The following PCCB variants were observed in gnomAD, a reference collection of about 807,000 sequenced individuals.
The protein encoded by PCCB is propionyl-CoA carboxylase beta chain, mitochondrial.
A neutral mutation model predicts 60.7 loss-of-function variants in PCCB; 43 were observed. The observed-to-expected ratio is 0.71, with a 90% CI of 0.55 to 0.91. PCCB has a LOEUF of 0.91. Ranked by LOEUF, PCCB falls within the 40% of genes least tolerant of loss-of-function variation. The pLI is 0.00. For synonymous variants in PCCB, 276 were observed against 255.9 expected, an observed-to-expected ratio of 1.08 and a Z score of -0.75; for missense variants, 766 against 702.8, an observed-to-expected ratio of 1.09 and a Z score of -1.02.
chr3:136,258,246 G>A (rs1941728713), intron 3 of PCCB, among the ~76,000 whole-genome samples: 1 of 152,208 alleles, frequency 6.6e-6, no homozygotes, highest in Non-Finnish European at 1.5e-5. Flanking sequence ...TCATGTGGTA[G>A]GGTGGGAGTG....
At chr3:136,262,848 C>T (rs1559999163) in intron 5 of PCCB, among the ~76,000 whole-genome samples, 1 of 151,740 alleles carries the variant, frequency 6.6e-6, no homozygotes, top group Non-Finnish European at 1.5e-5. Flanking sequence ...TGTTTAGAAA[C>T]AAAAGAGCGG....
intron 5 of PCCB, among the ~76,000 whole-genome samples, chr3:136,280,707 A>G (rs1942452912): frequency 6.6e-6 from 1 of 152,190 alleles, no homozygotes; most frequent in Non-Finnish European, 1.5e-5. Context: ...GTCACGCAGA[A>G]TAGAGTGCAG....
chr3:136,301,224 A>T, intron 9 of PCCB, 113 bp downstream of exon 9: 1 of 821,872 alleles, frequency 1.2e-6, no homozygotes, highest in South Asian at 1.4e-5. Context: ...CAGACAGCAC[A>T]GGTCGGGAAT....
chr3:136,327,283 C>G (rs1428783818), intron 12 of PCCB, 28 bp downstream of exon 12: 1 of 1,551,654 alleles, frequency 6.4e-7, no homozygotes, highest in Middle Eastern at 1.7e-4. Context: ...GAGGCCATGA[C>G]CCTGCTCACT....
chr3:136,321,467 A>G (rs929942331), intron 10 of PCCB, among the ~76,000 whole-genome samples: 2 of 152,230 alleles, frequency 1.3e-5, no homozygotes, highest in Non-Finnish European at 1.5e-5. Context: ...GAAACTTACA[A>G]TCATGGTGGA....
chr3:136,273,129 A>C (rs1344118426), intron 5 of PCCB, among the ~76,000 whole-genome samples: 1 of 152,124 alleles, frequency 6.6e-6, no homozygotes, highest in African/African-American at 2.4e-5. Flanking sequence ...AGTTTTGAGC[A>C]TTTCTTTTGG....
intron 9 of PCCB, among the ~76,000 whole-genome samples, chr3:136,314,692 A>AC (rs1427733639): frequency 2.0e-5 from 3 of 152,082 alleles, no homozygotes; most frequent in Non-Finnish European, 4.4e-5. Context: ...ACAAAACAAA[A>AC]AAACTCACCA....
chr3:136,268,313 T>G (rs1463316311), intron 5 of PCCB, among the ~76,000 whole-genome samples: 4 of 151,530 alleles, frequency 2.6e-5, no homozygotes, highest in African/African-American at 9.7e-5. Flanking sequence ...CTTGACACAT[T>G]GATAAAAATA....
chr3:136,297,888 T>C (rs1444549381), intron 7 of PCCB, 64 bp from the exon 8 acceptor site: 1 of 1,606,368 alleles, frequency 6.2e-7, no homozygotes. Context: ...CAGTCAGGCA[T>C]GAAGCAGCAA....
At chr3:136,253,064 G>A (rs1209134923) in intron 1 of PCCB, among the ~76,000 whole-genome samples, 1 of 147,462 alleles carries the variant, frequency 6.8e-6, no homozygotes, top group African/African-American at 2.5e-5. Flanking sequence ...TGAGAGCTTG[G>A]GAGTCCAAGC....
At chr3:136,279,418 A>G (rs539062734) in intron 5 of PCCB, among the ~76,000 whole-genome samples, 2 of 151,868 alleles carry the variant, frequency 1.3e-5, no homozygotes, top group East Asian at 1.9e-4. Context: ...TGCCTTTTTG[A>G]TTCACTTCTT....
Position 136,297,932 on chromosome 3 carries a change from T to C in PCCB, c.764-20T>C. The C allele has an allele frequency of 2.5e-6, 4 of 1,614,004 alleles. No individual in the cohort carries two copies. Among genetic ancestry groups the C allele is most frequent in the Non-Finnish European group, 3.4e-6 (4 of 1,179,882 alleles). On this transcript the variant is annotated intron_variant, in intron 7 of 14. Coordinates refer to ENST00000251654, the MANE Select transcript of PCCB (RefSeq NM_000532.5). ...TGGCTGGTACCCTGACTCAATCATA[T>C]ATGCTCCCTGTTCTCTTAGGTGTGG...
intron 5 of PCCB, among the ~76,000 whole-genome samples, chr3:136,265,493 T>C (rs1941961310): frequency 1.3e-5 from 2 of 152,254 alleles, no homozygotes; most frequent in African/African-American, 4.8e-5. Context: ...TTGTTCCTTT[T>C]TATTGGTGAA....
chr3:136,263,365 A>C lies in PCCB; in HGVS notation c.543+1300A>C, dbSNP rs1941882845. Among the ~76,000 whole-genome samples the C allele has an allele frequency of 5.9e-5, 9 of 151,532 alleles. No individual in the cohort carries two copies. The South Asian group carries it at 1.9e-3, about 32-fold the overall frequency. ...ACTGCAACCTCAGCCTCCTGGGCTC[A>C]AGCGATCATCCCACCTCAGTCTCCT... is the stretch of plus-strand genomic sequence containing the variant. On this transcript the variant is annotated intron_variant, in intron 5 of 14. Transcript: ENST00000251654.
chr3:136,298,155 C>G, intron 8 of PCCB, 83 bp downstream of exon 8: 2 of 1,577,690 alleles, frequency 1.3e-6, no homozygotes, highest in East Asian at 2.2e-5. Flanking sequence ...CAGGGTCTGC[C>G]TTGTTGGGCA....
At chr3:136,250,810 C>G (rs571006576) in intron 1 of PCCB, among the ~76,000 whole-genome samples, 3 of 152,340 alleles carry the variant, frequency 2.0e-5, no homozygotes, top group Admixed American at 1.3e-4. Context: ...CTAGCCAGCT[C>G]AACACTTAAC....
intron 5 of PCCB, among the ~76,000 whole-genome samples, chr3:136,277,332 A>G (rs2108172258): frequency 6.6e-6 from 1 of 152,280 alleles, no homozygotes; most frequent in East Asian, 1.9e-4. Flanking sequence ...GAGATGCTGT[A>G]GTGGACTGTG....
At chr3:136,262,842 T>C (rs1366520118) in intron 5 of PCCB, among the ~76,000 whole-genome samples, 1 of 152,188 alleles carries the variant, frequency 6.6e-6, no homozygotes, top group Non-Finnish European at 1.5e-5. Context: ...CATTCCTGTT[T>C]AGAAACAAAA....
chr3:136,295,044 C>T (rs1288219476), intron 7 of PCCB, among the ~76,000 whole-genome samples: 6 of 152,212 alleles, frequency 3.9e-5, no homozygotes, highest in African/African-American at 1.2e-4. Flanking sequence ...GGGCATGATT[C>T]TGATATTAGT....
Sources: allele counts gnomAD v4.1 joint callset (sites outside exome capture counted in the v4.1 genomes callset), GRCh38; gene constraint gnomAD v4.1.1; transcripts MANE v1.5; gene names NCBI Gene and HGNC (gene_info 2026-07-23, HGNC 2026-07-21).